The following VGLL3 variants were observed in gnomAD, a reference collection of about 807,000 sequenced individuals.
VGLL3 encodes the protein vestigial like family member 3, also known as transcription cofactor vestigial-like protein 3.
VGLL3 carries 18 observed loss-of-function variants against 29.2 expected under a neutral mutation model. That is an observed-to-expected ratio of 0.62 (90% CI 0.43 to 0.91). The LOEUF (loss-of-function observed/expected upper bound fraction) is 0.91. VGLL3 is among the 40% of genes least tolerant of loss of function. The pLI, the probability that VGLL3 is intolerant of heterozygous loss-of-function variation, is 0.00. For missense variants in VGLL3, 440 were observed against 413.2 expected, an observed-to-expected ratio of 1.06 and a Z score of -0.56; for synonymous variants, 180 against 151.8, an observed-to-expected ratio of 1.19 and a Z score of -1.36.
At chr3:86,957,488 AC>A (rs1704747036) in intron 3 of VGLL3, among the ~76,000 whole-genome samples, 1 of 152,172 alleles carries the variant, frequency 6.6e-6, no homozygotes, top group Non-Finnish European at 1.5e-5. Context: ...ATCATGTATC[AC>A]CGTCTAGAAA....
At position 86,962,075 on chromosome 3, in the gene VGLL3, T is replaced by C. The variant is rs912214802; in HGVS notation, c.937+6515A>G. 6 of 985,204 alleles carry C rather than the reference T, an allele frequency of 6.1e-6. No homozygotes were observed. In the African/African-American group the frequency reaches 8.7e-5, roughly 14 times the overall value. 61.0% of individuals were successfully genotyped at this position (985,204 alleles called of 1,614,324 possible). On this transcript the variant is annotated intron_variant, in intron 3 of 3. Transcript: ENST00000398399. ...TATCACATTCTGAGTATTTTTCCTA[T>C]GGAACCCATGAAACTCAGTTTAAAG...
rs1179616352 is a variant in VGLL3 at position 86,941,684 on chromosome 3, A to G, written c.*5340T>C. ...AAGTATTTTTAAACAAAAAAGCACA[A>G]TAGACAATAAAAGAAATAGAAAAGT... is the stretch of plus-strand genomic sequence containing the variant. On this transcript the variant is annotated 3_prime_UTR_variant, in exon 4 of 4. Transcript: ENST00000398399. The G allele has an allele frequency of 2.0e-5, 3 of 152,144 alleles. No homozygotes were observed. The highest frequency in any genetic ancestry group is 6.5e-5 in the Admixed American group (1 of 15,286). 9.4% of individuals were successfully genotyped at this position (152,144 alleles called of 1,614,324 possible).
chr3:86,967,903 T>C (rs1387564849), intron 3 of VGLL3, among the ~76,000 whole-genome samples: 1 of 152,236 alleles, frequency 6.6e-6, no homozygotes, highest in Admixed American at 6.5e-5. Flanking sequence ...ATCATTTCCT[T>C]ACTATTAGTT....
intron 1 of VGLL3, among the ~76,000 whole-genome samples, chr3:86,986,194 T>C (rs541295811): frequency 6.6e-6 from 1 of 152,234 alleles, no homozygotes; most frequent in East Asian, 1.9e-4. Flanking sequence ...TCCGGCTTTG[T>C]GAGATGTGAA....
rs889352059 is a variant in VGLL3 at position 86,941,602 on chromosome 3, T to C, written c.*5422A>G. ...ATTCAGAAAAACTTATTGGATCAAA[T>C]TAAATTGACTAGAACTTCAAGAGAA... On this transcript the variant is annotated 3_prime_UTR_variant, in exon 4 of 4. Coordinates refer to ENST00000398399, the MANE Select transcript of VGLL3 (RefSeq NM_016206.4). The C allele has an allele frequency of 1.3e-5, 2 of 152,010 alleles. No individual in the cohort carries two copies. The highest frequency in any genetic ancestry group is 2.9e-5 in the Non-Finnish European group (2 of 67,960). The allele number at this position is 152,010 out of a possible 1,614,324, so 9.4% of individuals were successfully genotyped here. A position where few individuals can be genotyped will look rare whatever the true frequency, so the allele number is the denominator to read the frequency against.
In VGLL3 at chr3:86,941,396, A is replaced by G. The variant is rs1350327540; in HGVS notation, c.*5628T>C. On this transcript the variant is annotated 3_prime_UTR_variant, in exon 4 of 4. Coordinates refer to ENST00000398399, the MANE Select transcript of VGLL3 (RefSeq NM_016206.4). ...ATATACCAAAAAAACTAATTAAAGT[A>G]TGTTGCATTTTAAAAGAATTATTCT... 1 of 152,392 alleles carries G rather than the reference A, an allele frequency of 6.6e-6. No homozygotes were observed. Among genetic ancestry groups the G allele is most frequent in the Non-Finnish European group, 1.5e-5 (1 of 67,936 alleles). 9.4% of individuals were successfully genotyped at this position (152,392 alleles called of 1,614,324 possible). A position where few individuals can be genotyped will look rare whatever the true frequency, so the allele number is the denominator to read the frequency against.
At chr3:86,963,141 A>T (rs778788698) in intron 3 of VGLL3, 1 of 156,654 alleles carries the variant, frequency 6.4e-6, no homozygotes, top group Admixed American at 6.5e-5. Flanking sequence ...TCATCACAGT[A>T]TTATTCCTAT....
Position 86,940,624 on chromosome 3 carries a change from T to C in VGLL3, c.*6400A>G, listed in dbSNP as rs1704375697. On this transcript the variant is annotated 3_prime_UTR_variant, in exon 4 of 4. Coordinates refer to ENST00000398399, the MANE Select transcript of VGLL3 (RefSeq NM_016206.4). ...ACCAAATCCAAATGCTATGTTAAAATACAAACATTCAATTCACATTAAATT... is the reference window on the plus strand; with the variant it reads ...ACCAAATCCAAATGCTATGTTAAAACACAAACATTCAATTCACATTAAATT... 6.6e-6 allele frequency: 1 copy of C among 152,512 alleles called. No homozygotes were observed. The highest frequency in any genetic ancestry group is 6.6e-5 in the Admixed American group (1 of 15,266). 9.4% of individuals were successfully genotyped at this position (152,512 alleles called of 1,614,324 possible).
Position 86,990,818 on chromosome 3 carries a change from C to G in VGLL3, c.-75G>C. 8.3e-7 allele frequency: 1 copy of G among 1,204,854 alleles called. No individual in the cohort carries two copies. The allele number at this position is 1,204,854 out of a possible 1,614,324, so 74.6% of individuals were successfully genotyped here. On this transcript the variant is annotated 5_prime_UTR_variant, in exon 1 of 4. Transcript: ENST00000398399. ...CTGGCGCGAGGGGCGCGGGCGCCGC[C>G]GCCGCCGCAGCTGCCGCCTCTGTCG...
chr3:86,951,313 G>C (rs1704613064), intron 3 of VGLL3, among the ~76,000 whole-genome samples: 1 of 152,158 alleles, frequency 6.6e-6, no homozygotes, highest in Admixed American at 6.5e-5. Flanking sequence ...GAGTTCTGAA[G>C]GCTGGGAAAT....
In VGLL3 at chr3:86,946,847, T is replaced by C. The variant is rs1422806601; in HGVS notation, c.*177A>G. ...AACAAATAAAAATGCTTTTCTTCAA[T>C]GTCTGGGACCCACTTTGCTTTCTCA... On this transcript the variant is annotated 3_prime_UTR_variant, in exon 4 of 4. Coordinates refer to ENST00000398399, the MANE Select transcript of VGLL3 (RefSeq NM_016206.4). 3.8e-6 allele frequency: 2 copies of C among 526,414 alleles called. No homozygotes were observed. The highest frequency in any genetic ancestry group is 3.9e-5 in the African/African-American group (2 of 51,636). 32.6% of individuals were successfully genotyped at this position (526,414 alleles called of 1,614,324 possible).
intron 3 of VGLL3, among the ~76,000 whole-genome samples, chr3:86,952,338 T>A (rs781121182): frequency 4.6e-5 from 7 of 152,236 alleles, no homozygotes; most frequent in Non-Finnish European, 7.3e-5. Flanking sequence ...AGGTACTGTT[T>A]GTTTGTCAGA....
chr3:86,974,714 G>T (rs1052286021), intron 2 of VGLL3, among the ~76,000 whole-genome samples: 2 of 152,124 alleles, frequency 1.3e-5, no homozygotes, highest in African/African-American at 4.8e-5. Context: ...TTTGTTTGTA[G>T]CATGGTAGCA....
At position 86,946,958 on chromosome 3, in the gene VGLL3, G is replaced by T; in HGVS notation, c.*66C>A. On this transcript the variant is annotated 3_prime_UTR_variant, in exon 4 of 4. Transcript: ENST00000398399. ...GTCCTATTGCTGAATGGAAAAACCC[G>T]ACAGTATCTTTTCCCAGTGGGCCCT... 3.9e-6 allele frequency: 3 copies of T among 768,102 alleles called. No homozygotes were observed. The South Asian group carries it at 4.2e-5, about 11-fold the overall frequency. The allele number at this position is 768,102 out of a possible 1,614,324, so 47.6% of individuals were successfully genotyped here. A position where few individuals can be genotyped will look rare whatever the true frequency, so the allele number is the denominator to read the frequency against.
chr3:86,977,591 G>A (rs1705236236), intron 2 of VGLL3, among the ~76,000 whole-genome samples: 1 of 152,148 alleles, frequency 6.6e-6, no homozygotes, highest in Non-Finnish European at 1.5e-5. Flanking sequence ...CTCTGCACTG[G>A]AGTCACTGGG....
chr3:86,990,652 G>A lies in VGLL3; in HGVS notation c.92C>T (p.Ala31Val). 1 of 1,395,324 alleles carries A rather than the reference G, an allele frequency of 7.2e-7. No individual in the cohort carries two copies. Among genetic ancestry groups the A allele is most frequent in the Non-Finnish European group, 9.3e-7 (1 of 1,069,986 alleles). The allele number at this position is 1,395,324 out of a possible 1,614,324, so 86.4% of individuals were successfully genotyped here. ...AGGTTGGGGCGCCGGCTGATAGTAG[G>A]CTGTGGGGCAGGTTGTCGCTGCCAT... ...NPMAATTCPTAYYQPAPQPGQ... is the reference protein window; with the variant it reads ...NPMAATTCPTVYYQPAPQPGQ... The change falls in exon 1 of 4, where the codon GCC (alanine) becomes GTC (valine). Residue 31 changes from alanine (A) to valine (V), a missense_variant. Coordinates refer to ENST00000398399, the MANE Select transcript of VGLL3 (RefSeq NM_016206.4).
At chr3:86,952,478 G>A (rs578054012) in intron 3 of VGLL3, among the ~76,000 whole-genome samples, 1 of 152,150 alleles carries the variant, frequency 6.6e-6, no homozygotes, top group Admixed American at 6.5e-5. Context: ...GATAAAAGAG[G>A]TAACCATACA....
At position 86,940,779 on chromosome 3, in the gene VGLL3, C is replaced by T. The variant is rs931057051; in HGVS notation, c.*6245G>A. Reference sequence around the variant, plus strand: ...TAGAAATAAGAAAATGTTTTCCCAACCCCACAAAAACAGAAAAAAATATAT... The same window carrying T: ...TAGAAATAAGAAAATGTTTTCCCAATCCCACAAAAACAGAAAAAAATATAT... On this transcript the variant is annotated 3_prime_UTR_variant, in exon 4 of 4. Transcript: ENST00000398399. The T allele has an allele frequency of 2.6e-5, 4 of 151,732 alleles. No homozygotes were observed. The highest frequency in any genetic ancestry group is 1.3e-4 in the Admixed American group (2 of 15,246). The allele number at this position is 151,732 out of a possible 1,614,324, so 9.4% of individuals were successfully genotyped here.
intron 2 of VGLL3, among the ~76,000 whole-genome samples, chr3:86,970,477 A>ACACG (rs1443242633): frequency 9.3e-6 from 1 of 107,408 alleles, no homozygotes; most frequent in Admixed American, 1.1e-4. Context: ...CATATATTAC[A>ACACG]CACACGCACA....
Sources: allele counts gnomAD v4.1 joint callset (sites outside exome capture counted in the v4.1 genomes callset), GRCh38; gene constraint gnomAD v4.1.1; transcripts MANE v1.5; gene names NCBI Gene and HGNC (gene_info 2026-07-23, HGNC 2026-07-21).